PRMT7: variants seen among roughly 807,000 people sequenced by gnomAD.
PRMT7 encodes protein arginine methyltransferase 7, also known as protein arginine N-methyltransferase 7.
A neutral mutation model predicts 85.4 loss-of-function variants in PRMT7; 75 were observed. The ratio of observed to expected loss-of-function variants is 0.88; its 90% confidence interval spans 0.73 to 1.06. The LOEUF (loss-of-function observed/expected upper bound fraction) is 1.06. Ranked by LOEUF, PRMT7 falls within the 50% of genes least tolerant of loss-of-function variation. PRMT7 has a pLI of 0.00. For synonymous variants in PRMT7, 397 were observed against 359.5 expected (o/e 1.10, Z -1.18); for missense variants, 868 against 915.2 (o/e 0.95, Z 0.67).
intron 14 of PRMT7, chr16:68,351,512 C>G (rs978925072): frequency 6.6e-6 from 1 of 152,632 alleles, no homozygotes; most frequent in Admixed American, 6.5e-5. Context: ...CATCCACCAC[C>G]CCCACTGCCG....
intron 4 of PRMT7, among the ~76,000 whole-genome samples, chr16:68,323,278 G>T (rs946900592): frequency 1.3e-5 from 2 of 149,420 alleles, no homozygotes; most frequent in Non-Finnish European, 3.0e-5. Context: ...TAGTGCAGTG[G>T]TGTGATCTTA....
At chr16:68,335,754 GTGCTCTTCTATCAGC>G (rs938817475) in intron 6 of PRMT7, among the ~76,000 whole-genome samples, 6 of 151,454 alleles carry the variant, frequency 4.0e-5, no homozygotes, top group Non-Finnish European at 8.8e-5. Flanking sequence ...TGTCTCTGTT[GTGCTCTTCTATCAGC>G]TGCTCTCTTT....
chr16:68,357,338 G>A lies in PRMT7; in HGVS notation c.*114G>A, dbSNP rs1360235451. 3 of 1,182,974 alleles carry A rather than the reference G, an allele frequency of 2.5e-6. No homozygotes were observed. Among genetic ancestry groups the A allele is most frequent in the Non-Finnish European group, 3.6e-6 (3 of 844,748 alleles). The allele number at this position is 1,182,974 out of a possible 1,614,324, so 73.3% of individuals were successfully genotyped here. A position where few individuals can be genotyped will look rare whatever the true frequency, so the allele number is the denominator to read the frequency against. On this transcript the variant is annotated 3_prime_UTR_variant, in exon 19 of 19. Coordinates refer to ENST00000441236, the MANE Select transcript of PRMT7 (RefSeq NM_019023.5). Reference sequence around the variant, plus strand: ...TCTCTGGGAGCTGCTCGGCCTCAGGGATGGGAAAGACTGCGCCGTGTTGCA... The same window carrying A: ...TCTCTGGGAGCTGCTCGGCCTCAGGAATGGGAAAGACTGCGCCGTGTTGCA...
intron 6 of PRMT7, among the ~76,000 whole-genome samples, chr16:68,330,241 T>C (rs545258461): frequency 1.4e-4 from 22 of 152,122 alleles, no homozygotes; most frequent in Non-Finnish European, 2.5e-4. Flanking sequence ...TCTTTGAAAA[T>C]TTCACATGCC....
At chr16:68,325,141 T>C (rs1416962451) in intron 5 of PRMT7, among the ~76,000 whole-genome samples, 2 of 151,630 alleles carry the variant, frequency 1.3e-5, no homozygotes, top group South Asian at 2.1e-4. Flanking sequence ...GACAATTGCT[T>C]GAGCCCAGGA....
chr16:68,324,556 A>T, intron 4 of PRMT7, 127 bp from the exon 5 acceptor site: 1 of 1,157,144 alleles, frequency 8.6e-7, no homozygotes, highest in Non-Finnish European at 1.2e-6. Flanking sequence ...CTGTTCTGCC[A>T]GGGGCCAGAA....
At chr16:68,316,851 T>A (rs2081918868) in intron 3 of PRMT7, 1 of 152,144 alleles carries the variant, frequency 6.6e-6, no homozygotes, top group African/African-American at 2.4e-5. Flanking sequence ...GGATACCAGA[T>A]GAAGAAGATC....
chr16:68,311,359 A>C, intron 1 of PRMT7: 1 of 292,542 alleles, frequency 3.4e-6, no homozygotes. Flanking sequence ...CCTCAGCCAC[A>C]GAGACCGCAG....
intron 3 of PRMT7, among the ~76,000 whole-genome samples, chr16:68,319,576 C>A (rs1230713368): frequency 6.8e-6 from 1 of 147,406 alleles, no homozygotes; most frequent in African/African-American, 2.6e-5. Context: ...AGATATAAAA[C>A]CTTGATGTGC....
downstream of PRMT7, chr16:68,358,824 A>G (rs1443862848): frequency 2.6e-5 from 4 of 152,534 alleles, no homozygotes; most frequent in Non-Finnish European, 5.9e-5. Context: ...AGATCCAGCA[A>G]TGGTTCACTT....
chr16:68,352,603 T>C, intron 15 of PRMT7, 194 bp downstream of exon 15: 2 of 499,752 alleles, frequency 4.0e-6, no homozygotes, highest in Non-Finnish European at 6.9e-6. Flanking sequence ...TAATTTGACA[T>C]ACGAAATGGA....
At chr16:68,340,952 G>C (rs908088154) in intron 9 of PRMT7, among the ~76,000 whole-genome samples, 14 of 152,350 alleles carry the variant, frequency 9.2e-5, no homozygotes, top group African/African-American at 3.1e-4. Context: ...GTGCAGAATG[G>C]TGTGTTGTGT....
intron 6 of PRMT7, among the ~76,000 whole-genome samples, chr16:68,333,057 G>A (rs975621054): frequency 3.3e-5 from 5 of 151,996 alleles, no homozygotes; most frequent in African/African-American, 4.8e-5. Context: ...ACAGTGATGC[G>A]AACACAGCTC....
chr16:68,352,696 G>A (rs761313049), intron 15 of PRMT7: 2 of 275,414 alleles, frequency 7.3e-6, no homozygotes, highest in East Asian at 7.7e-5. Flanking sequence ...AAGCCATGCC[G>A]TGTGGCCTGC....
chr16:68,335,360 CATTGATTG>C (rs3837764), intron 6 of PRMT7, among the ~76,000 whole-genome samples: 1 of 151,286 alleles, frequency 6.6e-6, no homozygotes, highest in African/African-American at 2.4e-5. Flanking sequence ...CTATGTGACT[CATTGATTG>C]ATTGAGGCAG....
chr16:68,335,556 T>G (rs930647006), intron 6 of PRMT7, among the ~76,000 whole-genome samples: 2 of 151,490 alleles, frequency 1.3e-5, no homozygotes, highest in African/African-American at 4.8e-5. Flanking sequence ...GATACTGTCA[T>G]GGAGCACAGG....
chr16:68,345,588 CTG>C, intron 9 of PRMT7, 85 bp from the exon 10 acceptor site: 1 of 1,573,708 alleles, frequency 6.4e-7, no homozygotes, highest in South Asian at 1.1e-5. Flanking sequence ...GTCCTGAAAA[CTG>C]GCAGTTCTCT....
At chr16:68,346,074 C>A in intron 10 of PRMT7, 71 bp from the exon 11 acceptor site, 1 of 1,600,176 alleles carries the variant, frequency 6.2e-7, no homozygotes, top group Non-Finnish European at 8.5e-7. Flanking sequence ...GACCAGTGTC[C>A]AGATTCATGC....
chr16:68,336,538 T>G (rs924400509), intron 6 of PRMT7, among the ~76,000 whole-genome samples: 1 of 152,226 alleles, frequency 6.6e-6, no homozygotes, highest in Non-Finnish European at 1.5e-5. Flanking sequence ...TCCCTCTCCC[T>G]GCAACCTAGA....
Sources: allele counts gnomAD v4.1 joint callset (sites outside exome capture counted in the v4.1 genomes callset), GRCh38; gene constraint gnomAD v4.1.1; transcripts MANE v1.5; gene names NCBI Gene and HGNC (gene_info 2026-07-23, HGNC 2026-07-21).